Variants in CEP41 observed in about 807,000 individuals in gnomAD.
CEP41 encodes centrosomal protein 41, also known as centrosomal protein of 41 kDa.
A neutral mutation model predicts 44.3 loss-of-function variants in CEP41; 32 were observed. That is an observed-to-expected ratio of 0.72 (90% CI 0.54 to 0.97). CEP41 has a LOEUF of 0.97. Ranked by LOEUF, CEP41 falls within the 50% of genes least tolerant of loss-of-function variation. CEP41 has a pLI of 0.00. For synonymous variants in CEP41, 151 were observed against 168.5 expected (o/e 0.90, Z 0.80); for missense variants, 432 against 455.2 (o/e 0.95, Z 0.46).
rs1796591643 is a variant in CEP41, at chr7:130,394,013, T to C, written c.*4878A>G. The C allele has an allele frequency of 2.2e-6, 1 of 454,088 alleles. No homozygotes were observed. The highest frequency in any genetic ancestry group is 1.6e-5 in the South Asian group (1 of 64,470). The allele number at this position is 454,088 out of a possible 1,614,324, so 28.1% of individuals were successfully genotyped here. On this transcript the variant is annotated 3_prime_UTR_variant, in exon 11 of 11. Coordinates refer to ENST00000223208, the MANE Select transcript of CEP41 (RefSeq NM_018718.3). The stretch of plus-strand genomic sequence containing the variant: ...TCCCCAGAGCAGATGTTTCAGTTCC[T>C]GAATTTCCATCGCCTTTTGTGCAGG...
chr7:130,401,849 C>T, intron 8 of CEP41, 32 bp downstream of exon 8: 1 of 1,401,596 alleles, frequency 7.1e-7, no homozygotes, highest in Non-Finnish European at 1.0e-6. Flanking sequence ...ATCCTCATAC[C>T]ACCCAATTCC....
chr7:130,431,919 T>C (rs1462500399), intron 1 of CEP41, among the ~76,000 whole-genome samples: 2 of 152,198 alleles, frequency 1.3e-5, no homozygotes, highest in African/African-American at 4.8e-5. Context: ...CCCAAGACAT[T>C]TGTCAATGTC....
At position 130,394,577 on chromosome 7, in the gene CEP41, A is replaced by G. The variant is rs114939029; in HGVS notation, c.*4314T>C. 1.1e-3 allele frequency: 496 copies of G among 454,052 alleles called. 4 individuals carry two copies. The highest frequency in any genetic ancestry group is 9.2e-3 in the African/African-American group (459 of 50,120). 28.1% of individuals were successfully genotyped at this position (454,052 alleles called of 1,614,324 possible). A position where few individuals can be genotyped will look rare whatever the true frequency, so the allele number is the denominator to read the frequency against. ...TAACACCCCCAGCAGCTCTCTGGGTACTTCCTGTAGAGGGAGATCTAAAAA... is the reference window on the plus strand; with the variant it reads ...TAACACCCCCAGCAGCTCTCTGGGTGCTTCCTGTAGAGGGAGATCTAAAAA... On this transcript the variant is annotated 3_prime_UTR_variant, in exon 11 of 11. Coordinates refer to ENST00000223208, the MANE Select transcript of CEP41 (RefSeq NM_018718.3).
In CEP41 at chr7:130,398,918, A is replaced by AC; in HGVS notation, c.1094dup (p.His366SerfsTer18). On this transcript the variant is annotated frameshift_variant, in exon 11 of 11. Transcript: ENST00000223208. LOFTEE classifies it high-confidence loss of function. The stretch of plus-strand genomic sequence containing the variant: ...ACTTCCAGGGTTTGCCTTGCAGGTG[A>AC]CCACTGCTGAGGGAGCGGGGGTTTG... 6.2e-7 allele frequency: 1 copy of AC among 1,614,202 alleles called. No homozygotes were observed. Among genetic ancestry groups the AC allele is most frequent in the Non-Finnish European group, 8.5e-7 (1 of 1,180,032 alleles).
rs781935817 is a variant in CEP41 at position 130,398,702 on chromosome 7, G to C, written c.*189C>G. 9.0e-6 allele frequency: 7 copies of C among 779,202 alleles called. No homozygotes were observed. In the East Asian group the frequency reaches 1.5e-4, roughly 16 times the overall value. The allele number at this position is 779,202 out of a possible 1,614,324, so 48.3% of individuals were successfully genotyped here. A position where few individuals can be genotyped will look rare whatever the true frequency, so the allele number is the denominator to read the frequency against. ...ACACCTCTGGTTTTTATGGTCACCT[G>C]TCAAAATCCTTCCTGAGGTGGCCTC... On this transcript the variant is annotated 3_prime_UTR_variant, in exon 11 of 11. Coordinates refer to ENST00000223208, the MANE Select transcript of CEP41 (RefSeq NM_018718.3).
chr7:130,440,673 G>A (rs1798122282), intron 1 of CEP41: 3 of 600,660 alleles, frequency 5.0e-6, no homozygotes, highest in Non-Finnish European at 8.9e-6. Context: ...CAAGGGCTGT[G>A]TCTTTGGGTA....
Position 130,394,488 on chromosome 7 carries a change from G to A in CEP41, c.*4403C>T, listed in dbSNP as rs916134541. 2.2e-6 allele frequency: 1 copy of A among 454,124 alleles called. No homozygotes were observed. The highest frequency in any genetic ancestry group is 1.6e-5 in the South Asian group (1 of 64,474). The allele number at this position is 454,124 out of a possible 1,614,324, so 28.1% of individuals were successfully genotyped here. A position where few individuals can be genotyped will look rare whatever the true frequency, so the allele number is the denominator to read the frequency against. ...GAGAAAACCTACTCTTAAGATGGGGGTGGTGTGTGACCTTTGCGTGCTGAA... is the reference window on the plus strand; with the variant it reads ...GAGAAAACCTACTCTTAAGATGGGGATGGTGTGTGACCTTTGCGTGCTGAA... On this transcript the variant is annotated 3_prime_UTR_variant, in exon 11 of 11. Coordinates refer to ENST00000223208, the MANE Select transcript of CEP41 (RefSeq NM_018718.3).
At chr7:130,412,104 G>T in intron 4 of CEP41, 75 bp downstream of exon 4, 1 of 839,862 alleles carries the variant, frequency 1.2e-6, no homozygotes, top group South Asian at 1.3e-5. Flanking sequence ...ACTTTCCCTA[G>T]AGTTGAATTT....
chr7:130,401,563 G>GA (rs1413089538), intron 8 of CEP41, among the ~76,000 whole-genome samples: 1 of 151,730 alleles, frequency 6.6e-6, no homozygotes, highest in Non-Finnish European at 1.5e-5. Context: ...AATTTTAAAG[G>GA]AAAAAATTAA....
chr7:130,400,432 T>C, intron 9 of CEP41, 178 bp from the exon 10 acceptor site: 1 of 660,430 alleles, frequency 1.5e-6, no homozygotes, highest in Non-Finnish European at 2.7e-6. Context: ...ATATCTGTTG[T>C]TACATGGGAT....
At chr7:130,418,568 C>G (rs1337204575) in intron 2 of CEP41, among the ~76,000 whole-genome samples, 2 of 152,098 alleles carry the variant, frequency 1.3e-5, no homozygotes, top group Admixed American at 6.6e-5. Flanking sequence ...ATTGACGTGG[C>G]AGGTAGTTTC....
At chr7:130,422,441 A>C (rs1467261400) in intron 2 of CEP41, among the ~76,000 whole-genome samples, 1 of 152,116 alleles carries the variant, frequency 6.6e-6, no homozygotes, top group East Asian at 1.9e-4. Flanking sequence ...TGATACACAT[A>C]CAATGATAAA....
chr7:130,439,511 T>C (rs1421370946), intron 1 of CEP41, among the ~76,000 whole-genome samples: 1 of 152,162 alleles, frequency 6.6e-6, no homozygotes, highest in Non-Finnish European at 1.5e-5. Context: ...TGGATCAACA[T>C]CTTCCCATTT....
At chr7:130,431,445 T>C (rs1013802241) in intron 1 of CEP41, among the ~76,000 whole-genome samples, 8 of 152,194 alleles carry the variant, frequency 5.3e-5, no homozygotes, top group African/African-American at 1.4e-4. Context: ...GTCTTTGCCA[T>C]CCAGCTTTCA....
Position 130,403,321 on chromosome 7 carries a change from C to T in CEP41, c.423-522G>A, listed in dbSNP as rs192514315. On this transcript the variant is annotated intron_variant, in intron 6 of 10. Coordinates refer to ENST00000223208, the MANE Select transcript of CEP41 (RefSeq NM_018718.3). ...ATACTTACATAGCTCTCTGTACTTA[C>T]TCCAGTTTTATAGGTTACAACATTG... 1.3e-3 allele frequency among the ~76,000 whole-genome samples: 195 copies of T among 152,292 alleles called. 1 individual carries two copies. Among genetic ancestry groups the T allele is most frequent in the Admixed American group, 5.8e-3 (89 of 15,300 alleles).
chr7:130,396,477 C>T lies in CEP41; in HGVS notation c.*2414G>A, dbSNP rs182084979. 76 of 454,458 alleles carry T rather than the reference C, an allele frequency of 1.7e-4. 1 individual carries two copies. The East Asian group carries it at 4.6e-3, about 27-fold the overall frequency. The allele number at this position is 454,458 out of a possible 1,614,324, so 28.2% of individuals were successfully genotyped here. ...CTCCTGTGGCTCCCCCAAATCATCT[C>T]GACAGAAAAGAAGAGAGAAGTTGGC... On this transcript the variant is annotated 3_prime_UTR_variant, in exon 11 of 11. Coordinates refer to ENST00000223208, the MANE Select transcript of CEP41 (RefSeq NM_018718.3).
chr7:130,432,869 C>T (rs1419935445), intron 1 of CEP41, among the ~76,000 whole-genome samples: 2 of 152,094 alleles, frequency 1.3e-5, no homozygotes, highest in Non-Finnish European at 2.9e-5. Flanking sequence ...TGTCAGCCTA[C>T]AGGCAGCAGA....
At chr7:130,440,692 C>CTCGCAGTCACAAGT in intron 1 of CEP41, 1 of 605,822 alleles carries the variant, frequency 1.7e-6, no homozygotes, top group Non-Finnish European at 2.9e-6. Flanking sequence ...TACTTCGCTC[C>CTCGCAGTCACAAGT]TCGCAGTCAC....
chr7:130,396,206 T>C lies in CEP41; in HGVS notation c.*2685A>G, dbSNP rs1389873643. 1 of 453,962 alleles carries C rather than the reference T, an allele frequency of 2.2e-6. No individual in the cohort carries two copies. Among genetic ancestry groups the C allele is most frequent in the Non-Finnish European group, 4.4e-6 (1 of 226,800 alleles). The allele number at this position is 453,962 out of a possible 1,614,324, so 28.1% of individuals were successfully genotyped here. On this transcript the variant is annotated 3_prime_UTR_variant, in exon 11 of 11. Transcript: ENST00000223208. ...TCAGGGTGCTGTAGTTGTACATCGA[T>C]GAAGCACCTTCTGTCTCAGGGTTCA... is the stretch of plus-strand genomic sequence containing the variant.
Sources: allele counts gnomAD v4.1 joint callset (sites outside exome capture counted in the v4.1 genomes callset), GRCh38; gene constraint gnomAD v4.1.1; transcripts MANE v1.5; gene names NCBI Gene and HGNC (gene_info 2026-07-23, HGNC 2026-07-21).